Variants in RIF1 observed in about 807,000 individuals in gnomAD.
RIF1 encodes replication timing regulatory factor 1.
RIF1 carries 45 observed loss-of-function variants against 247.1 expected under a neutral mutation model. That is an observed-to-expected ratio of 0.18 (90% CI 0.14 to 0.23). RIF1 has a LOEUF of 0.23. RIF1 is among the 10% of genes least tolerant of loss of function. The pLI, the probability that RIF1 is intolerant of heterozygous loss-of-function variation, is 1.00. For missense variants in RIF1, 2,967 were observed against 2,862.5 expected (o/e 1.04, Z -0.83); for synonymous variants, 1,087 against 978.8 (o/e 1.11, Z -2.06).
rs16830047 is a variant in RIF1 at position 151,457,871 on chromosome 2, G to A, written c.2763G>A (p.Leu921=). The A allele has an allele frequency of 0.28, 457,636 of 1,612,974 alleles. 67,425 individuals carry two copies. The highest frequency in any genetic ancestry group is 0.39 in the Admixed American group (23,440 of 59,986). The change falls in exon 24 of 36, where the codon CTG becomes CTA. Residue 921 remains leucine (L), a synonymous_variant. Transcript: ENST00000444746. ...CCCCACTATTATGCATAATATTTCT[G>A]CACAAGAATAAACAGATTCGAAAAC... ...QLSPLLCIIF[L]HKNKQIRKQS...
In RIF1 at chr2:151,473,995, T is replaced by A; in HGVS notation, c.7127T>A (p.Val2376Asp). Residue 2376 changes from valine (V) to aspartate (D), a missense_variant, in exon 35 of 36, where the codon GTT (valine) becomes GAT (aspartate). By Grantham distance (152) the Val-to-Asp change is radical. Coordinates refer to ENST00000444746, the MANE Select transcript of RIF1 (RefSeq NM_018151.5). ...VKTRGLEEIP[V>D]FDISEKTVNG... ...ACTCGTGGACTAGAAGAGATTCCAG[T>A]TTTTGATATTTCTGAAAAAACAGTA... The A allele has an allele frequency of 6.3e-7, 1 of 1,597,428 alleles. No individual in the cohort carries two copies. Among genetic ancestry groups the A allele is most frequent in the Non-Finnish European group, 8.6e-7 (1 of 1,167,062 alleles).
intron 34 of RIF1, among the ~76,000 whole-genome samples, chr2:151,470,802 A>G (rs1559031805): frequency 6.6e-6 from 1 of 152,158 alleles, no homozygotes; most frequent in Non-Finnish European, 1.5e-5. Context: ...CAGAAAACCA[A>G]TACTACTAGT....
At chr2:151,459,421 A>G (rs1454714194) in intron 25 of RIF1, among the ~76,000 whole-genome samples, 1 of 152,164 alleles carries the variant, frequency 6.6e-6, no homozygotes, top group Non-Finnish European at 1.5e-5. Flanking sequence ...ACCTTTTTCT[A>G]TTCAGGAGCA....
chr2:151,484,261 T>C (rs901497891), downstream of RIF1, among the ~76,000 whole-genome samples: 44 of 152,166 alleles, frequency 2.9e-4, 1 homozygote, highest in African/African-American at 5.8e-4. Context: ...ACCTGCAAAG[T>C]GTGCCTTGGC....
intron 18 of RIF1, among the ~76,000 whole-genome samples, chr2:151,444,670 C>A (rs1363255407): frequency 6.6e-6 from 1 of 152,182 alleles, no homozygotes; most frequent in Non-Finnish European, 1.5e-5. Flanking sequence ...GAAGAAAAGT[C>A]ATTTACATTC....
intron 8 of RIF1, among the ~76,000 whole-genome samples, chr2:151,428,537 CTT>C (rs968176691): frequency 1.1e-4 from 17 of 152,146 alleles, no homozygotes; most frequent in Admixed American, 7.9e-4. Flanking sequence ...CTTCTTCAAA[CTT>C]TATATATTTT....
At chr2:151,439,972 CAAAAAAAAAAAA>C (rs1165450117) in intron 14 of RIF1, 43 bp from the exon 15 acceptor site, 6 of 274,380 alleles carry the variant, frequency 2.2e-5, no homozygotes, top group Non-Finnish European at 2.5e-5. Context: ...GACCCTGTCT[CAAAAAAAAAAAA>C]AAAAAAAAAA....
At chr2:151,437,420 G>A (rs906786584) in intron 13 of RIF1, 69 bp downstream of exon 13, 6 of 1,186,228 alleles carry the variant, frequency 5.1e-6, no homozygotes, top group South Asian at 3.7e-5. Flanking sequence ...GCCAGTCACA[G>A]TACCTCACAC....
intron 19 of RIF1, among the ~76,000 whole-genome samples, chr2:151,445,689 A>G (rs1286921640): frequency 3.3e-5 from 5 of 152,118 alleles, no homozygotes; most frequent in Admixed American, 3.3e-4. Context: ...CTGGGATTAC[A>G]GGACCATGCC....
At chr2:151,420,427 T>G (rs1573883374) in intron 7 of RIF1, 48 bp downstream of exon 7, 2 of 1,570,144 alleles carry the variant, frequency 1.3e-6, no homozygotes, top group Non-Finnish European at 1.7e-6. Context: ...CATCGGAAGG[T>G]TCTGCACTAA....
At chr2:151,491,465 G>A in intron 9 of RIF1, 2 of 434,882 alleles carry the variant, frequency 4.6e-6, no homozygotes, top group South Asian at 5.7e-5. Context: ...AATAATGGGA[G>A]ACATGCACTG....
intron 21 of RIF1, among the ~76,000 whole-genome samples, chr2:151,452,370 A>T (rs549939113): frequency 1.3e-5 from 2 of 152,366 alleles, no homozygotes; most frequent in South Asian, 4.1e-4. Flanking sequence ...CTTACCATAT[A>T]GGTAGTGATA....
intron 3 of RIF1, among the ~76,000 whole-genome samples, chr2:151,411,834 G>A (rs1483073546): frequency 1.3e-5 from 2 of 152,082 alleles, no homozygotes; most frequent in African/African-American, 2.4e-5. Flanking sequence ...TACCTTACAC[G>A]CTTTATCACT....
chr2:151,531,714 G>C, the RIF1 span: 675,218 of 1,120,898 alleles, frequency 0.6, 207,313 homozygotes, highest in Admixed American at 0.7. Flanking sequence ...CCCAGACTTT[G>C]TGACAATTTA....
intron 16 of RIF1, among the ~76,000 whole-genome samples, chr2:151,443,007 A>C (rs1273593644): frequency 4.0e-5 from 6 of 151,324 alleles, no homozygotes; most frequent in African/African-American, 1.5e-4. Flanking sequence ...CGATCTCCTG[A>C]CCTCGTGATC....
At chr2:151,485,796 G>T, downstream of RIF1, 1 of 1,612,820 alleles carries the variant, frequency 6.2e-7, no homozygotes, top group African/African-American at 1.3e-5. Context: ...GGAGCATTCC[G>T]GTCCTGCCAG....
intron 11 of RIF1, among the ~76,000 whole-genome samples, chr2:151,435,857 GC>G (rs1691094763): frequency 6.6e-6 from 1 of 151,396 alleles, no homozygotes; most frequent in African/African-American, 2.4e-5. Flanking sequence ...TATGTGAGGT[GC>G]CTTGCAAAAA....
chr2:151,444,622 C>T (rs1034706522), intron 18 of RIF1, among the ~76,000 whole-genome samples: 17 of 152,136 alleles, frequency 1.1e-4, no homozygotes, highest in African/African-American at 3.6e-4. Flanking sequence ...TAACGTAGCC[C>T]TTGTTTTGGC....
At chr2:151,512,647 G>A, downstream of RIF1, 1 of 981,544 alleles carries the variant, frequency 1.0e-6, no homozygotes, top group Non-Finnish European at 1.6e-6. Flanking sequence ...CTGATCTGAA[G>A]AATCTCTTAA....
Sources: allele counts gnomAD v4.1 joint callset (sites outside exome capture counted in the v4.1 genomes callset), GRCh38; gene constraint gnomAD v4.1.1; transcripts MANE v1.5; gene names NCBI Gene and HGNC (gene_info 2026-07-23, HGNC 2026-07-21).